Variants in RALYL observed in about 807,000 individuals in gnomAD.
The protein encoded by RALYL is RNA-binding Raly-like protein.
In RALYL, 29 loss-of-function variants were observed where a neutral mutation model predicts 35.1. The observed-to-expected ratio is 0.83, with a 90% CI of 0.61 to 1.13. RALYL has a LOEUF of 1.13. Among genes scored for constraint, RALYL ranks in the 50% most tolerant of loss-of-function variants. The probability of loss-of-function intolerance (pLI) is 0.00; values close to 1 mark genes in which losing one functional copy is unlikely to be tolerated. For synonymous variants in RALYL, 120 were observed against 127.6 expected, an observed-to-expected ratio of 0.94 and a Z score of 0.40; for missense variants, 359 against 360.4, an observed-to-expected ratio of 1.00 and a Z score of 0.03.
chr8:84,842,824 CAAT>C (rs1327562986), intron 4 of RALYL, among the ~76,000 whole-genome samples: 2 of 152,150 alleles, frequency 1.3e-5, no homozygotes, highest in Admixed American at 6.5e-5. Flanking sequence ...ATAAGCAAAT[CAAT>C]AAACGTTATC....
chr8:84,894,284 A>G (rs970754617), intron 8 of RALYL, among the ~76,000 whole-genome samples: 1 of 152,160 alleles, frequency 6.6e-6, no homozygotes, highest in African/African-American at 2.4e-5. Context: ...ATTTTGAATG[A>G]ATGCTGGCTA....
chr8:84,332,134 A>G (rs1252127622), intron 1 of RALYL, among the ~76,000 whole-genome samples: 1 of 152,078 alleles, frequency 6.6e-6, no homozygotes, highest in Middle Eastern at 3.2e-3. Flanking sequence ...GGCTCCCTCA[A>G]ATAATGCTCT....
At chr8:84,767,524 C>T (rs1166861152) in intron 2 of RALYL, among the ~76,000 whole-genome samples, 3 of 152,064 alleles carry the variant, frequency 2.0e-5, no homozygotes. Flanking sequence ...AATATTGAAA[C>T]TTCAGAATGA....
At chr8:84,593,660 A>G (rs746632483) in intron 2 of RALYL, among the ~76,000 whole-genome samples, 10 of 152,064 alleles carry the variant, frequency 6.6e-5, no homozygotes, top group South Asian at 2.1e-4. Context: ...ATCTCTGTAC[A>G]TAGGCCATTT....
intron 7 of RALYL, 105 bp from the exon 8 acceptor site, chr8:84,887,499 A>T: frequency 1.1e-6 from 1 of 918,106 alleles, no homozygotes; most frequent in Non-Finnish European, 1.6e-6. Context: ...GTACACCTTT[A>T]ATAGCATATA....
At chr8:84,605,563 T>C (rs2130803994) in intron 2 of RALYL, among the ~76,000 whole-genome samples, 1 of 152,214 alleles carries the variant, frequency 6.6e-6, no homozygotes, top group South Asian at 2.1e-4. Context: ...GGCTCAACCC[T>C]GTTCAGTTTT....
intron 1 of RALYL, among the ~76,000 whole-genome samples, chr8:84,475,603 TTTA>T (rs2053307770): frequency 6.6e-6 from 1 of 152,218 alleles, no homozygotes; most frequent in African/African-American, 2.4e-5. Context: ...GGGTTTATAA[TTTA>T]TTTTCTTTTA....
chr8:84,469,197 C>G (rs1454092576), intron 1 of RALYL, among the ~76,000 whole-genome samples: 1 of 152,144 alleles, frequency 6.6e-6, no homozygotes, highest in Non-Finnish European at 1.5e-5. Context: ...GAACTGTGTT[C>G]CTTTGGAGGA....
chr8:84,811,513 T>G (rs1393799381), intron 4 of RALYL, among the ~76,000 whole-genome samples: 1 of 152,224 alleles, frequency 6.6e-6, no homozygotes, highest in African/African-American at 2.4e-5. Context: ...ATTGTTGTGA[T>G]GAACTTCCCA....
intron 1 of RALYL, among the ~76,000 whole-genome samples, chr8:84,441,830 T>G (rs1457252489): frequency 6.6e-6 from 1 of 152,130 alleles, no homozygotes; most frequent in East Asian, 1.9e-4. Context: ...CGTCAATTCC[T>G]CATCCCACTG....
At chr8:84,458,673 A>AG (rs1446411751) in intron 1 of RALYL, among the ~76,000 whole-genome samples, 1 of 151,820 alleles carries the variant, frequency 6.6e-6, no homozygotes, top group Non-Finnish European at 1.5e-5. Context: ...GGTAAATCAA[A>AG]GTTGGAACCT....
intron 1 of RALYL, among the ~76,000 whole-genome samples, chr8:84,405,164 A>G (rs1034782122): frequency 6.6e-6 from 1 of 152,188 alleles, no homozygotes; most frequent in Admixed American, 6.5e-5. Context: ...TCTTGAAACC[A>G]ATGATAATAA....
intron 2 of RALYL, among the ~76,000 whole-genome samples, chr8:84,638,949 TAC>T (rs1223666334): frequency 5.2e-4 from 42 of 81,392 alleles, no homozygotes; most frequent in Non-Finnish European, 7.6e-4. Context: ...CATATATATG[TAC>T]ACACACACAC....
At chr8:84,839,606 C>T (rs530445390) in intron 4 of RALYL, among the ~76,000 whole-genome samples, 2 of 152,354 alleles carry the variant, frequency 1.3e-5, no homozygotes, top group East Asian at 1.9e-4. Flanking sequence ...TGTCTGACAG[C>T]TTTGAAGAGA....
In RALYL at chr8:84,825,286, C is replaced by G. The variant is rs961742677; in HGVS notation, c.365+20484C>G. Among the ~76,000 whole-genome samples, 10 of 151,996 alleles carry G rather than the reference C, an allele frequency of 6.6e-5. No homozygotes were observed. The South Asian group carries it at 8.3e-4, about 13-fold the overall frequency. On this transcript the variant is annotated intron_variant, in intron 4 of 8. Coordinates refer to ENST00000521268, the MANE Select transcript of RALYL (RefSeq NM_173848.7). The stretch of plus-strand genomic sequence containing the variant: ...TCTTCAGAGAAATGCAGATCAAAAC[C>G]ACAATGAAATACCATCTCACAGCAG...
chr8:84,266,236 T>C (rs1487784416), intron 1 of RALYL, among the ~76,000 whole-genome samples: 1 of 152,094 alleles, frequency 6.6e-6, no homozygotes, highest in African/African-American at 2.4e-5. Context: ...TTTGCCTGTC[T>C]CATTCCTCTC....
chr8:84,225,095 T>C (rs1027273624), intron 1 of RALYL, among the ~76,000 whole-genome samples: 4 of 152,242 alleles, frequency 2.6e-5, no homozygotes. Flanking sequence ...ATCCATCCAG[T>C]TGCTCAAGAT....
chr8:84,571,240 C>G (rs1807901475), intron 2 of RALYL, among the ~76,000 whole-genome samples: 1 of 151,674 alleles, frequency 6.6e-6, no homozygotes, highest in Admixed American at 6.6e-5. Flanking sequence ...TCCATCTGGT[C>G]CTGGGATTCC....
At chr8:84,197,756 C>A (rs917079061) in intron 1 of RALYL, among the ~76,000 whole-genome samples, 1 of 150,342 alleles carries the variant, frequency 6.7e-6, no homozygotes, top group Non-Finnish European at 1.5e-5. Flanking sequence ...TAGCGAGACC[C>A]CATTCTCCAG....
Sources: allele counts gnomAD v4.1 joint callset (sites outside exome capture counted in the v4.1 genomes callset), GRCh38; gene constraint gnomAD v4.1.1; transcripts MANE v1.5; gene names NCBI Gene and HGNC (gene_info 2026-07-23, HGNC 2026-07-21).